Variants in MICU1 observed in about 807,000 individuals in gnomAD.
MICU1 encodes the protein calcium uptake protein 1, mitochondrial.
In MICU1, 45 loss-of-function variants were observed where a neutral mutation model predicts 56.8. The ratio of observed to expected loss-of-function variants is 0.79; its 90% CI spans 0.62 to 1.02. The LOEUF (loss-of-function observed/expected upper bound fraction) is 1.02. Among genes scored for constraint, MICU1 ranks in the 50% least tolerant of loss-of-function variants. The pLI is 0.00. For synonymous variants in MICU1, 186 were observed against 195.1 expected (o/e 0.95, Z 0.39); for missense variants, 504 against 587.1 (o/e 0.86, Z 1.46).
chr10:72,434,342 G>C (rs1485295696), intron 8 of MICU1, among the ~76,000 whole-genome samples: 1 of 152,032 alleles, frequency 6.6e-6, no homozygotes, highest in African/African-American at 2.4e-5. Flanking sequence ...TTCAGACCTT[G>C]ATCAATATGA....
chr10:72,526,148 G>A (rs1867956066), intron 5 of MICU1, among the ~76,000 whole-genome samples: 1 of 152,030 alleles, frequency 6.6e-6, no homozygotes, highest in African/African-American at 2.4e-5. Context: ...AGCTAAAACT[G>A]AGTAAATGTT....
chr10:72,417,165 T>C (rs1355583209), intron 9 of MICU1, among the ~76,000 whole-genome samples: 2 of 152,130 alleles, frequency 1.3e-5, no homozygotes, highest in Non-Finnish European at 2.9e-5. Context: ...GAAATATATA[T>C]AGTTGTGCTG....
At chr10:72,517,616 T>C (rs545101651) in intron 5 of MICU1, among the ~76,000 whole-genome samples, 1 of 152,062 alleles carries the variant, frequency 6.6e-6, no homozygotes, top group Non-Finnish European at 1.5e-5. Flanking sequence ...CTTTGGCGAC[T>C]CGGGGGTGTG....
intron 1 of MICU1, among the ~76,000 whole-genome samples, chr10:72,572,678 T>C (rs1840640290): frequency 6.6e-6 from 1 of 152,034 alleles, no homozygotes; most frequent in Non-Finnish European, 1.5e-5. Flanking sequence ...AAAAAGACAG[T>C]TGGAAAAGAA....
At chr10:72,522,259 G>A (rs901074223) in intron 5 of MICU1, among the ~76,000 whole-genome samples, 1 of 152,092 alleles carries the variant, frequency 6.6e-6, no homozygotes, top group African/African-American at 2.4e-5. Context: ...ACTGAAGAAA[G>A]TTCTCTGATA....
At chr10:72,463,650 T>C (rs1865703872) in intron 8 of MICU1, among the ~76,000 whole-genome samples, 1 of 152,232 alleles carries the variant, frequency 6.6e-6, no homozygotes, top group Non-Finnish European at 1.5e-5. Context: ...ACTGCATATA[T>C]AATGGCGTTC....
intron 8 of MICU1, among the ~76,000 whole-genome samples, chr10:72,464,506 CT>C (rs1865731889): frequency 1.3e-5 from 2 of 152,058 alleles, no homozygotes; most frequent in South Asian, 4.1e-4. Flanking sequence ...AAATACTGTA[CT>C]AGTAAAATAC....
At chr10:72,548,889 G>A (rs1411069749) in intron 4 of MICU1, among the ~76,000 whole-genome samples, 1 of 152,112 alleles carries the variant, frequency 6.6e-6, no homozygotes. Context: ...TAGAGACAGG[G>A]TTTTGCCATG....
chr10:72,581,212 G>A (rs1277082365), intron 1 of MICU1, among the ~76,000 whole-genome samples: 1 of 152,162 alleles, frequency 6.6e-6, no homozygotes, highest in Admixed American at 6.5e-5. Flanking sequence ...TCACTGATAC[G>A]TGCAATGCTG....
At chr10:72,374,149 C>G (rs1430322782) in intron 11 of MICU1, among the ~76,000 whole-genome samples, 1 of 152,180 alleles carries the variant, frequency 6.6e-6, no homozygotes, top group African/African-American at 2.4e-5. Context: ...GAGACAGGGT[C>G]TCACTCTGTC....
chr10:72,562,145 A>ATTTT (rs1840312776), intron 3 of MICU1, among the ~76,000 whole-genome samples: 7 of 78,536 alleles, frequency 8.9e-5, no homozygotes, highest in Admixed American at 1.2e-4. Context: ...ATTACATAAA[A>ATTTT]TCTTTTTTTT....
At position 72,615,997 on chromosome 10, in the gene MICU1, A is replaced by G. The variant is rs183179431; in HGVS notation, c.-2+10013T>C. Among the ~76,000 whole-genome samples, 128 of 150,216 alleles carry G rather than the reference A, an allele frequency of 8.5e-4. 1 individual carries two copies. The East Asian group carries it at 0.023, about 27-fold the overall frequency. On this transcript the variant is annotated intron_variant, in intron 1 of 11. Coordinates refer to ENST00000361114, the MANE Select transcript of MICU1 (RefSeq NM_001195518.2). The stretch of plus-strand genomic sequence containing the variant: ...GAGCGAGACTCCGTCTCAAAAAAAC[A>G]AAAAACAAAAAACAAAAAAAAACAT...
At chr10:72,522,070 T>C (rs1011061625) in intron 5 of MICU1, among the ~76,000 whole-genome samples, 2 of 152,226 alleles carry the variant, frequency 1.3e-5, no homozygotes, top group South Asian at 4.1e-4. Flanking sequence ...TAAAGGACTA[T>C]CCTCACACAT....
At chr10:72,509,101 A>G (rs190050929) in intron 5 of MICU1, among the ~76,000 whole-genome samples, 1 of 152,338 alleles carries the variant, frequency 6.6e-6, no homozygotes, top group Non-Finnish European at 1.5e-5. Flanking sequence ...CCAAAGCATA[A>G]ACTTAGTTGT....
intron 8 of MICU1, among the ~76,000 whole-genome samples, chr10:72,429,805 A>G (rs1410694333): frequency 6.6e-6 from 1 of 152,226 alleles, no homozygotes; most frequent in East Asian, 1.9e-4. Context: ...CTGAGTGCTT[A>G]TACTTGCCAG....
chr10:72,546,862 A>G (rs1290863198), intron 4 of MICU1, among the ~76,000 whole-genome samples: 3 of 151,022 alleles, frequency 2.0e-5, no homozygotes, highest in Non-Finnish European at 2.9e-5. Context: ...AGTAGCTGAG[A>G]CTACAGGCAC....
chr10:72,609,934 C>T (rs1291535632), intron 1 of MICU1, among the ~76,000 whole-genome samples: 8 of 151,588 alleles, frequency 5.3e-5, no homozygotes, highest in African/African-American at 1.9e-4. Flanking sequence ...AGTCCGGAAG[C>T]TGAGGCAGAG....
chr10:72,387,182 T>C (rs1182491553), intron 10 of MICU1, among the ~76,000 whole-genome samples: 1 of 152,172 alleles, frequency 6.6e-6, no homozygotes, highest in Non-Finnish European at 1.5e-5. Flanking sequence ...GCGGATTTAG[T>C]TATAATCATA....
At chr10:72,378,338 G>A (rs1361187887) in intron 10 of MICU1, among the ~76,000 whole-genome samples, 3 of 152,180 alleles carry the variant, frequency 2.0e-5, no homozygotes, top group African/African-American at 7.2e-5. Context: ...CTGGTAGGAG[G>A]TTACTGGATC....
Sources: gnomAD v4.1 joint callset for allele counts (sites outside exome capture counted in the v4.1 genomes callset) on GRCh38, gnomAD v4.1.1 for gene constraint, MANE v1.5 for transcripts, NCBI Gene and HGNC (gene_info 2026-07-23, HGNC 2026-07-21) for gene names.